The following SMC2 variants were observed in gnomAD, a reference collection of about 807,000 sequenced individuals.
SMC2 encodes structural maintenance of chromosomes 2.
In SMC2, 41 loss-of-function variants were observed where a neutral mutation model predicts 142.6. The observed-to-expected ratio is 0.29, with a 90% CI of 0.22 to 0.37. SMC2 has a LOEUF of 0.37. Among genes scored for constraint, SMC2 ranks in the 10% least tolerant of loss-of-function variants. SMC2 has a pLI of 1.00. For missense variants in SMC2, 1,265 were observed against 1,373.7 expected (o/e 0.92, Z 1.25); for synonymous variants, 463 against 457.5 (o/e 1.01, Z -0.15).
At chr9:104,111,306 ATTTG>A (rs911545203) in intron 9 of SMC2, among the ~76,000 whole-genome samples, 1 of 152,128 alleles carries the variant, frequency 6.6e-6, no homozygotes, top group Non-Finnish European at 1.5e-5. Flanking sequence ...CCTTCAAGTG[ATTTG>A]TTTAAATCTG....
chr9:104,091,826 G>A (rs572711647), upstream of SMC2, among the ~76,000 whole-genome samples: 4 of 148,266 alleles, frequency 2.7e-5, no homozygotes, highest in Non-Finnish European at 5.9e-5. Context: ...ATTTCTCCTA[G>A]GTCTTGCTTT....
chr9:104,111,921 G>C, intron 10 of SMC2, 107 bp downstream of exon 10: 1 of 803,290 alleles, frequency 1.2e-6, no homozygotes, highest in East Asian at 2.7e-5. Flanking sequence ...TCAGTCTCAA[G>C]GAACTTGTTT....
At chr9:104,120,438 G>C (rs2131451992) in intron 16 of SMC2, among the ~76,000 whole-genome samples, 1 of 152,278 alleles carries the variant, frequency 6.6e-6, no homozygotes, top group Non-Finnish European at 1.5e-5. Flanking sequence ...AAATAAACTA[G>C]CACTTGGCTA....
chr9:104,107,087 C>G (rs755172237), intron 9 of SMC2, among the ~76,000 whole-genome samples: 7 of 152,122 alleles, frequency 4.6e-5, no homozygotes, highest in African/African-American at 7.2e-5. Flanking sequence ...TTTCATGAAG[C>G]CTGCTGGTCC....
In SMC2 at chr9:104,098,402, G is replaced by T. The variant is rs776547198; in HGVS notation, c.319-44G>T. The T allele has an allele frequency of 5.8e-5, 87 of 1,493,500 alleles. No homozygotes were observed. In the Middle Eastern group the frequency reaches 2.1e-3, roughly 35 times the overall value. The allele number at this position is 1,493,500 out of a possible 1,614,324, so 92.5% of individuals were successfully genotyped here. A position where few individuals can be genotyped will look rare whatever the true frequency, so the allele number is the denominator to read the frequency against. On this transcript the variant is annotated intron_variant, in intron 3 of 24. Coordinates refer to ENST00000374793, the MANE Select transcript of SMC2 (RefSeq NM_006444.3). ...TATACTTAGTTTATCCTAGCACAAGGTGTGCATGTACATTAATATTTAAAA... is the reference window on the plus strand; with the variant it reads ...TATACTTAGTTTATCCTAGCACAAGTTGTGCATGTACATTAATATTTAAAA...
chr9:104,109,177 G>A (rs1227582974), intron 9 of SMC2, among the ~76,000 whole-genome samples: 4 of 152,188 alleles, frequency 2.6e-5, no homozygotes, highest in Admixed American at 6.5e-5. Context: ...TTTAAAAAGT[G>A]TAAAACTTAA....
chr9:104,111,925 CTTGT>C (rs1189487953), intron 10 of SMC2, 111 bp downstream of exon 10: 60 of 777,854 alleles, frequency 7.7e-5, no homozygotes, highest in African/African-American at 3.0e-4. Context: ...TCTCAAGGAA[CTTGT>C]TTGTTTACTT....
In SMC2 at chr9:104,126,690, C is replaced by CA; in HGVS notation, c.2502dup (p.Ser835IlefsTer7). ...CTGGAAGAGCTCAAGAGAGAGCATA[C>CA]ATCTTACAAACAACAGCTTGAAGCT... On this transcript the variant is annotated frameshift_variant, in exon 19 of 25. Transcript: ENST00000374793. LOFTEE classifies it high-confidence loss of function. 1.9e-6 allele frequency: 3 copies of CA among 1,612,526 alleles called. No homozygotes were observed. Among genetic ancestry groups the CA allele is most frequent in the Non-Finnish European group, 2.5e-6 (3 of 1,179,420 alleles).
intron 7 of SMC2, among the ~76,000 whole-genome samples, chr9:104,100,637 A>G (rs1209302110): frequency 6.6e-6 from 1 of 152,188 alleles, no homozygotes; most frequent in Non-Finnish European, 1.5e-5. Flanking sequence ...ATTGGAGAGT[A>G]ATTTTTATAG....
intron 3 of SMC2, among the ~76,000 whole-genome samples, chr9:104,097,132 T>G (rs1222532836): frequency 1.3e-5 from 2 of 148,542 alleles, no homozygotes; most frequent in Non-Finnish European, 3.0e-5. Context: ...TTTTTTTTTT[T>G]TTTTTTTTTT....
At chr9:104,129,921 C>A in intron 21 of SMC2, 76 bp downstream of exon 21, 1 of 1,058,162 alleles carries the variant, frequency 9.5e-7, no homozygotes, top group Non-Finnish European at 1.4e-6. Context: ...ACCTCTGATG[C>A]AATTATTAGA....
intron 10 of SMC2, among the ~76,000 whole-genome samples, chr9:104,112,447 A>ACAT (rs547242953): frequency 8.3e-4 from 127 of 152,332 alleles, no homozygotes; most frequent in African/African-American, 3.0e-3. Flanking sequence ...GTACACAGGC[A>ACAT]CATCATTGTT....
intron 3 of SMC2, 35 bp from the exon 4 acceptor site, chr9:104,098,411 T>C (rs759631833): frequency 2.0e-6 from 3 of 1,533,696 alleles, no homozygotes; most frequent in South Asian, 2.5e-5. Context: ...GGTGTGCATG[T>C]ACATTAATAT....
At chr9:104,107,844 C>G (rs1000297002) in intron 9 of SMC2, among the ~76,000 whole-genome samples, 8 of 152,150 alleles carry the variant, frequency 5.3e-5, no homozygotes, top group Non-Finnish European at 1.0e-4. Context: ...AAGAAAGTAG[C>G]GTCTTATTCT....
chr9:104,096,175 G>C lies in SMC2; in HGVS notation c.196G>C (p.Val66Leu). ...TCGGGCTTCTAATTTACAAGATTTA[G>C]TTTACAAAAATGGGCAGGCTGGTAT... is the stretch of plus-strand genomic sequence containing the variant. ...QVRASNLQDL[V>L]YKNGQAGITK... Residue 66 changes from valine to leucine, a missense_variant, in exon 3 of 25, where the codon GTT becomes CTT. By Grantham distance (32) the Val-to-Leu change is conservative (BLOSUM62 1). This residue lies in a region of SMC2 where 168 missense variants were observed against 184.8 expected (regional missense o/e 0.91). Coordinates refer to ENST00000374793, the MANE Select transcript of SMC2 (RefSeq NM_006444.3). 3 of 1,613,520 alleles carry C rather than the reference G, an allele frequency of 1.9e-6. No homozygotes were observed. The highest frequency in any genetic ancestry group is 2.5e-6 in the Non-Finnish European group (3 of 1,179,820).
chr9:104,112,268 T>A (rs1379860810), intron 10 of SMC2, among the ~76,000 whole-genome samples: 2 of 152,212 alleles, frequency 1.3e-5, no homozygotes, highest in Non-Finnish European at 2.9e-5. Flanking sequence ...TACATTTTTT[T>A]AGGAAGTATC....
intron 20 of SMC2, among the ~76,000 whole-genome samples, chr9:104,128,308 A>G (rs931094100): frequency 2.0e-5 from 3 of 152,170 alleles, no homozygotes; most frequent in African/African-American, 7.2e-5. Flanking sequence ...CTACCACTTT[A>G]TTACTATTGA....
At chr9:104,110,946 T>A (rs1375971844) in intron 9 of SMC2, among the ~76,000 whole-genome samples, 1 of 152,228 alleles carries the variant, frequency 6.6e-6, no homozygotes, top group Admixed American at 6.5e-5. Flanking sequence ...GTCTTTAATG[T>A]CTTAGAATAG....
chr9:104,141,268 GAA>G lies in SMC2; in HGVS notation c.*1956_*1957del, dbSNP rs1836023182. 1 of 152,178 alleles carries G rather than the reference GAA, an allele frequency of 6.6e-6. No individual in the cohort carries two copies. Among genetic ancestry groups the G allele is most frequent in the South Asian group, 2.1e-4 (1 of 4,830 alleles). 9.4% of individuals were successfully genotyped at this position (152,178 alleles called of 1,614,324 possible). A position where few individuals can be genotyped will look rare whatever the true frequency, so the allele number is the denominator to read the frequency against. ...ATCGAGGAATTGAGTGAGTTGAGCAGAAAAGTTAGGAAACTTGCTCAGGGTGA... is the reference window on the plus strand; with the variant it reads ...ATCGAGGAATTGAGTGAGTTGAGCAGAAGTTAGGAAACTTGCTCAGGGTGA... On this transcript the variant is annotated 3_prime_UTR_variant, in exon 25 of 25. Coordinates refer to ENST00000374793, the MANE Select transcript of SMC2 (RefSeq NM_006444.3).
Sources: allele counts gnomAD v4.1 joint callset (sites outside exome capture counted in the v4.1 genomes callset), GRCh38; gene constraint gnomAD v4.1.1; regional missense constraint gnomAD v4.1.1; transcripts MANE v1.5; gene names NCBI Gene and HGNC (gene_info 2026-07-23, HGNC 2026-07-21).